The following CNTNAP5 variants were observed in gnomAD, a reference collection of about 807,000 sequenced individuals.
CNTNAP5 encodes contactin associated protein family member 5.
Under a neutral mutation model 150.2 loss-of-function variants are expected in CNTNAP5, and 72 were observed. That is an observed-to-expected ratio of 0.48 (90% CI 0.40 to 0.58). The LOEUF is 0.58. Among genes scored for constraint, CNTNAP5 ranks in the 20% least tolerant of loss-of-function variants. The pLI is 0.00. For missense variants in CNTNAP5, 1,636 were observed against 1,626.2 expected, an observed-to-expected ratio of 1.01 and a Z score of -0.10; for synonymous variants, 672 against 619.8, an observed-to-expected ratio of 1.08 and a Z score of -1.25.
chr2:124,553,057 T>C (rs1695665086), intron 10 of CNTNAP5, among the ~76,000 whole-genome samples: 1 of 152,132 alleles, frequency 6.6e-6, no homozygotes, highest in South Asian at 2.1e-4. Flanking sequence ...GGGAAAGAAA[T>C]AGAATTCTAG....
At chr2:124,563,190 CT>C in intron 10 of CNTNAP5, 26 bp from the exon 11 acceptor site, 1 of 1,443,832 alleles carries the variant, frequency 6.9e-7, no homozygotes. Context: ...GGTTTATTTT[CT>C]TTTCATTTAT....
chr2:124,881,860 C>T (rs1034185971), intron 21 of CNTNAP5, among the ~76,000 whole-genome samples: 1 of 152,030 alleles, frequency 6.6e-6, no homozygotes, highest in Non-Finnish European at 1.5e-5. Flanking sequence ...TTTGTCTATG[C>T]TTCTATGTGT....
intron 10 of CNTNAP5, among the ~76,000 whole-genome samples, chr2:124,545,315 A>T (rs1695486815): frequency 6.6e-6 from 1 of 152,072 alleles, no homozygotes; most frequent in Admixed American, 6.6e-5. Context: ...TGCTTGGTCA[A>T]CAAAACATGT....
intron 3 of CNTNAP5, among the ~76,000 whole-genome samples, chr2:124,376,585 A>G (rs918009289): frequency 6.6e-6 from 1 of 151,976 alleles, no homozygotes; most frequent in African/African-American, 2.4e-5. Context: ...TGTGTGTGTA[A>G]AACAAAGTTG....
chr2:124,030,221 A>G (rs978716113), intron 1 of CNTNAP5, among the ~76,000 whole-genome samples: 1 of 152,144 alleles, frequency 6.6e-6, no homozygotes, highest in Non-Finnish European at 1.5e-5. Flanking sequence ...TGGGATGATT[A>G]TATTCTAACA....
chr2:124,746,496 G>A (rs1050215185), intron 13 of CNTNAP5, among the ~76,000 whole-genome samples: 1 of 152,120 alleles, frequency 6.6e-6, no homozygotes, highest in Admixed American at 6.6e-5. Flanking sequence ...AGCTTTAACA[G>A]TGCTTTTATT....
chr2:124,732,026 T>G (rs1680282940), intron 13 of CNTNAP5, among the ~76,000 whole-genome samples: 1 of 152,126 alleles, frequency 6.6e-6, no homozygotes, highest in African/African-American at 2.4e-5. Context: ...GCAAGTTTAG[T>G]TTTTCATCTT....
chr2:124,179,542 T>G (rs1685159780), intron 1 of CNTNAP5, among the ~76,000 whole-genome samples: 2 of 152,216 alleles, frequency 1.3e-5, no homozygotes, highest in South Asian at 4.1e-4. Context: ...TCTCCTTCCT[T>G]TTTTAAAAAA....
intron 1 of CNTNAP5, among the ~76,000 whole-genome samples, chr2:124,172,212 A>AT (rs1271669541): frequency 6.6e-6 from 1 of 152,230 alleles, no homozygotes; most frequent in Non-Finnish European, 1.5e-5. Flanking sequence ...TTAACTTGGT[A>AT]TAAGTCATTG....
At chr2:124,378,685 T>C (rs752805043) in intron 3 of CNTNAP5, among the ~76,000 whole-genome samples, 8 of 152,148 alleles carry the variant, frequency 5.3e-5, no homozygotes, top group Middle Eastern at 3.2e-3. Flanking sequence ...GACATACTTT[T>C]ATGAGAATAT....
At chr2:124,368,100 C>T (rs1237788197) in intron 3 of CNTNAP5, among the ~76,000 whole-genome samples, 1 of 152,020 alleles carries the variant, frequency 6.6e-6, no homozygotes, top group Non-Finnish European at 1.5e-5. Flanking sequence ...CCACACTAGC[C>T]CATGCGTTAG....
chr2:124,199,164 G>C (rs1685658719), intron 1 of CNTNAP5, among the ~76,000 whole-genome samples: 1 of 151,864 alleles, frequency 6.6e-6, no homozygotes, highest in Admixed American at 6.6e-5. Flanking sequence ...CTATTAGCTT[G>C]TCATTGTTAA....
intron 1 of CNTNAP5, among the ~76,000 whole-genome samples, chr2:124,168,805 T>C (rs1684864439): frequency 6.6e-6 from 1 of 152,202 alleles, no homozygotes; most frequent in African/African-American, 2.4e-5. Flanking sequence ...ATTGAAATTT[T>C]TTTCTCACCA....
At chr2:124,072,752 T>C (rs928347942) in intron 1 of CNTNAP5, among the ~76,000 whole-genome samples, 2 of 151,712 alleles carry the variant, frequency 1.3e-5, no homozygotes, top group Non-Finnish European at 3.0e-5. Context: ...ATGCATCAGG[T>C]GAATCAATAT....
chr2:124,235,295 G>C (rs951183525), intron 2 of CNTNAP5, among the ~76,000 whole-genome samples: 5 of 152,144 alleles, frequency 3.3e-5, no homozygotes, highest in Admixed American at 6.5e-5. Context: ...AAAGGGGATA[G>C]TTCTAGTTGT....
At chr2:124,093,239 G>A (rs756045614) in intron 1 of CNTNAP5, among the ~76,000 whole-genome samples, 1 of 152,192 alleles carries the variant, frequency 6.6e-6, no homozygotes, top group South Asian at 2.1e-4. Context: ...TATGAAATTG[G>A]CAAGTCCTTT....
intron 6 of CNTNAP5, among the ~76,000 whole-genome samples, chr2:124,469,734 A>G (rs1205204426): frequency 2.0e-5 from 3 of 151,848 alleles, no homozygotes; most frequent in Non-Finnish European, 4.4e-5. Flanking sequence ...CCTCCTCCCA[A>G]CCTTCCACAG....
At chr2:124,412,169 CA>C (rs1213022234) in intron 3 of CNTNAP5, among the ~76,000 whole-genome samples, 28 of 135,974 alleles carry the variant, frequency 2.1e-4, no homozygotes, top group African/African-American at 6.7e-4. Flanking sequence ...ATCCAACTTA[CA>C]AGGGATGTGA....
intron 1 of CNTNAP5, among the ~76,000 whole-genome samples, chr2:124,163,055 AC>A (rs1558781753): frequency 1.3e-5 from 2 of 152,138 alleles, no homozygotes; most frequent in African/African-American, 2.4e-5. Context: ...ACATTCTTGA[AC>A]CCTTTCTCCT....
Sources: gnomAD v4.1 joint callset for allele counts (sites outside exome capture counted in the v4.1 genomes callset) on GRCh38, gnomAD v4.1.1 for gene constraint, MANE v1.5 for transcripts, NCBI Gene and HGNC (gene_info 2026-07-23, HGNC 2026-07-21) for gene names.